The following HDX variants were observed in gnomAD, a reference collection of about 807,000 sequenced individuals.
The protein encoded by HDX is chromosome X open reading frame 43.
In HDX, 19 loss-of-function variants were observed where a neutral mutation model predicts 45.2. The ratio of observed to expected loss-of-function variants is 0.42; its 90% CI spans 0.29 to 0.62. HDX has a LOEUF of 0.62. HDX is among the 20% of genes least tolerant of loss of function. The pLI is 0.20. For missense variants in HDX, 532 were observed against 493.9 expected (o/e 1.08, Z -0.73); for synonymous variants, 188 against 172.8 (o/e 1.09, Z -0.69).
At chrX:84,498,011 C>G (rs2041042783) in intron 1 of HDX, among the ~76,000 whole-genome samples, 1 of 111,382 alleles carries the variant, frequency 9.0e-6, no homozygotes, top group Non-Finnish European at 1.9e-5. Context: ...GTCCCTAACT[C>G]CAAGGGAAAA....
chrX:84,498,118 AAAT>A (rs1322256250), intron 1 of HDX, among the ~76,000 whole-genome samples: 1 of 111,655 alleles, frequency 9.0e-6, no homozygotes, highest in African/African-American at 3.3e-5. Flanking sequence ...TCTAGTTGTT[AAAT>A]AATAGGACAC....
intron 5 of HDX, among the ~76,000 whole-genome samples, chrX:84,368,273 ACTC>A (rs1259468458): frequency 9.0e-6 from 1 of 110,814 alleles, no homozygotes; most frequent in African/African-American, 3.3e-5. Flanking sequence ...AAATTTCTAT[ACTC>A]CTAGTTACCG....
At chrX:84,411,015 C>T (rs2038971333) in intron 5 of HDX, among the ~76,000 whole-genome samples, 1 of 111,326 alleles carries the variant, frequency 9.0e-6, no homozygotes, top group African/African-American at 3.3e-5. Flanking sequence ...GGTAATGTCT[C>T]CTTTGTCATT....
chrX:84,384,962 A>G (rs1023471013), intron 5 of HDX, among the ~76,000 whole-genome samples: 5 of 109,946 alleles, frequency 4.5e-5, no homozygotes, highest in Non-Finnish European at 9.5e-5. Context: ...ACGTAGTATA[A>G]TGTCTCCAGC....
In HDX at chrX:84,468,648, C is replaced by A. The variant is rs773342242; in HGVS notation, c.1075G>T (p.Asp359Tyr). The A allele has an allele frequency of 3.3e-6, 4 of 1,207,862 alleles. No individual in the cohort carries two copies. Among genetic ancestry groups the A allele is most frequent in the Non-Finnish European group, 4.5e-6 (4 of 892,262 alleles). The change falls in exon 4 of 11, where the codon GAT becomes TAT. Residue 359 changes from aspartate (D) to tyrosine (Y), a missense_variant. Physicochemically the swap from Asp to Tyr is radical, Grantham distance 160 (BLOSUM62 -3). Coordinates refer to ENST00000373177, the MANE Select transcript of HDX (RefSeq NM_001177479.2). ...MPNSQMVNIR[D>Y]MSDNVLYQNR... ...TGATACAGTACATTGTCTGACATATCTCTAATATTCACCATTTGTGAATTT... is the reference window on the plus strand; with the variant it reads ...TGATACAGTACATTGTCTGACATATATCTAATATTCACCATTTGTGAATTT...
intron 4 of HDX, among the ~76,000 whole-genome samples, chrX:84,464,128 G>A (rs1380970537): frequency 9.0e-6 from 1 of 111,120 alleles, no homozygotes; most frequent in African/African-American, 3.3e-5. Flanking sequence ...TAGCAAGAAT[G>A]TTGACAAAAT....
intron 5 of HDX, among the ~76,000 whole-genome samples, chrX:84,438,417 A>G (rs1661336182): frequency 9.0e-6 from 1 of 110,799 alleles, no homozygotes; most frequent in South Asian, 3.8e-4. Context: ...TTCAACTCTT[A>G]TTATAAATTA....
chrX:84,366,954 C>G (rs976668152), intron 5 of HDX, among the ~76,000 whole-genome samples: 12 of 111,920 alleles, frequency 1.1e-4, no homozygotes, highest in African/African-American at 3.9e-4. Flanking sequence ...GACTTCATGA[C>G]TAAAACACCA....
chrX:84,499,462 A>T (rs1269931672), intron 1 of HDX, among the ~76,000 whole-genome samples: 1 of 111,858 alleles, frequency 8.9e-6, no homozygotes, highest in Non-Finnish European at 1.9e-5. Context: ...GTCTATGTGT[A>T]AATGTCTAGG....
intron 5 of HDX, among the ~76,000 whole-genome samples, chrX:84,419,035 C>G (rs1332674289): frequency 8.9e-6 from 1 of 111,786 alleles, no homozygotes; most frequent in Non-Finnish European, 1.9e-5. Flanking sequence ...ACAACATAGG[C>G]CAGAAAAGAA....
chrX:84,443,689 TCTGG>T (rs1389697807), intron 4 of HDX, among the ~76,000 whole-genome samples: 1 of 112,060 alleles, frequency 8.9e-6, no homozygotes, highest in Non-Finnish European at 1.9e-5. Context: ...TAGAATAAAT[TCTGG>T]CTATTTTTTA....
chrX:84,438,669 G>A (rs1362537767), intron 5 of HDX, among the ~76,000 whole-genome samples: 1 of 110,426 alleles, frequency 9.1e-6, no homozygotes, highest in Non-Finnish European at 1.9e-5. Context: ...CTGGCATTAG[G>A]TCATTTAGGA....
chrX:84,413,145 T>C (rs1484232192), intron 5 of HDX, among the ~76,000 whole-genome samples: 3 of 111,788 alleles, frequency 2.7e-5, no homozygotes, highest in Non-Finnish European at 5.6e-5. Context: ...ATTTGATGCC[T>C]GTCACTTCAG....
intron 5 of HDX, among the ~76,000 whole-genome samples, chrX:84,423,033 A>C (rs2039300953): frequency 9.0e-6 from 1 of 111,289 alleles, no homozygotes; most frequent in East Asian, 2.8e-4. Flanking sequence ...AAATACAAAT[A>C]AATAAAATCA....
chrX:84,353,042 A>G (rs2037396502), intron 6 of HDX, among the ~76,000 whole-genome samples: 1 of 111,931 alleles, frequency 8.9e-6, no homozygotes, highest in Non-Finnish European at 1.9e-5. Context: ...GAGAGAAATG[A>G]GTGATTATAA....
At chrX:84,362,498 C>T (rs2037645798) in intron 5 of HDX, among the ~76,000 whole-genome samples, 1 of 110,036 alleles carries the variant, frequency 9.1e-6, no homozygotes, top group African/African-American at 3.3e-5. Context: ...AAAATCTAAA[C>T]ACAGGCTTTA....
At chrX:84,415,903 C>A (rs2039092216) in intron 5 of HDX, among the ~76,000 whole-genome samples, 1 of 111,823 alleles carries the variant, frequency 8.9e-6, no homozygotes, top group Non-Finnish European at 1.9e-5. Context: ...GTGAAGAAGC[C>A]ACTGTTGTCC....
At chrX:84,403,417 C>T (rs987862770) in intron 5 of HDX, among the ~76,000 whole-genome samples, 1 of 111,238 alleles carries the variant, frequency 9.0e-6, no homozygotes, top group Non-Finnish European at 1.9e-5. Flanking sequence ...GCTATCTTAT[C>T]ACAAAAAGTT....
intron 5 of HDX, among the ~76,000 whole-genome samples, chrX:84,420,354 A>G (rs1000760361): frequency 1.6e-4 from 18 of 112,207 alleles, no homozygotes; most frequent in African/African-American, 5.5e-4. Context: ...TGAAGAATGC[A>G]TCTGAGTCCT....
Sources: gnomAD v4.1 joint callset for allele counts (sites outside exome capture counted in the v4.1 genomes callset) on GRCh38, gnomAD v4.1.1 for gene constraint, MANE v1.5 for transcripts, NCBI Gene and HGNC (gene_info 2026-07-23, HGNC 2026-07-21) for gene names.